The following TMEM74 variants were observed in gnomAD, a reference collection of about 807,000 sequenced individuals.
TMEM74 encodes the protein transmembrane protein 74.
A neutral mutation model predicts 18.1 loss-of-function variants in TMEM74; 13 were observed. The observed-to-expected ratio is 0.72, with a 90% CI of 0.47 to 1.14. The LOEUF (loss-of-function observed/expected upper bound fraction) is 1.14, where lower values mean the gene tolerates loss of function less well. TMEM74 is among the 50% of genes most tolerant of loss of function. TMEM74 has a pLI of 0.00. For synonymous variants in TMEM74, 159 were observed against 146.6 expected (o/e 1.08, Z -0.61); for missense variants, 372 against 375.9 (o/e 0.99, Z 0.09).
At chr8:108,773,845 A>C (rs892358511) in intron 1 of TMEM74, among the ~76,000 whole-genome samples, 1 of 152,188 alleles carries the variant, frequency 6.6e-6, no homozygotes, top group African/African-American at 2.4e-5. Context: ...AACCCTAGCC[A>C]ACAGCGTGAC....
intron 1 of TMEM74, among the ~76,000 whole-genome samples, chr8:108,678,624 T>G (rs1377669362): frequency 6.6e-6 from 1 of 151,522 alleles, no homozygotes; most frequent in Admixed American, 6.6e-5. Context: ...CCTCCCGCTT[T>G]GCTCCCACTG....
At chr8:108,620,104 G>C (rs968493790) in intron 2 of TMEM74, among the ~76,000 whole-genome samples, 4 of 152,068 alleles carry the variant, frequency 2.6e-5, no homozygotes, top group Non-Finnish European at 5.9e-5. Context: ...AGCTATCACT[G>C]TTTGTCTTAA....
At chr8:108,756,712 G>A (rs1424760385) in intron 1 of TMEM74, among the ~76,000 whole-genome samples, 2 of 88,878 alleles carry the variant, frequency 2.3e-5, no homozygotes, top group African/African-American at 9.2e-5. Flanking sequence ...AGGAAAGAAA[G>A]AAAGAAAGAG....
intron 1 of TMEM74, among the ~76,000 whole-genome samples, chr8:108,732,839 A>G (rs1292175542): frequency 1.3e-5 from 2 of 151,794 alleles, no homozygotes; most frequent in African/African-American, 4.8e-5. Context: ...CATAAGAAGG[A>G]ATTCCTACAA....
At chr8:108,613,175 C>T (rs955952600) in intron 2 of TMEM74, among the ~76,000 whole-genome samples, 1 of 152,176 alleles carries the variant, frequency 6.6e-6, no homozygotes, top group African/African-American at 2.4e-5. Context: ...TACTTGCCCA[C>T]TTCTTCAACC....
intron 1 of TMEM74, among the ~76,000 whole-genome samples, chr8:108,678,676 T>C (rs904520773): frequency 5.9e-5 from 9 of 151,336 alleles, no homozygotes; most frequent in Admixed American, 4.0e-4. Context: ...GTTCTCTTTT[T>C]TTTTTCTTAT....
chr8:108,728,619 T>C (rs1199727819), intron 1 of TMEM74, among the ~76,000 whole-genome samples: 3 of 152,188 alleles, frequency 2.0e-5, no homozygotes, highest in Non-Finnish European at 4.4e-5. Context: ...GGTATAACTA[T>C]ATTCAGGAAG....
intron 1 of TMEM74, among the ~76,000 whole-genome samples, chr8:108,731,544 A>G (rs886961700): frequency 2.0e-5 from 3 of 152,090 alleles, no homozygotes; most frequent in Admixed American, 2.0e-4. Context: ...AGGACACACT[A>G]AATTACTGGG....
chr8:108,746,122 C>T (rs114652545), intron 1 of TMEM74, among the ~76,000 whole-genome samples: 59 of 152,206 alleles, frequency 3.9e-4, no homozygotes, highest in African/African-American at 1.3e-3. Flanking sequence ...GTCTGCGGCT[C>T]GTCCTGCTTC....
At chr8:108,682,891 G>A (rs1199972663) in intron 1 of TMEM74, among the ~76,000 whole-genome samples, 1 of 151,738 alleles carries the variant, frequency 6.6e-6, no homozygotes, top group Admixed American at 6.6e-5. Context: ...ACAATCTATA[G>A]CAGATTTAAT....
intron 1 of TMEM74, among the ~76,000 whole-genome samples, chr8:108,751,393 A>G (rs1813903312): frequency 6.6e-6 from 1 of 152,140 alleles, no homozygotes; most frequent in Non-Finnish European, 1.5e-5. Flanking sequence ...TTGAACTTGG[A>G]TCAGGAGAAG....
In TMEM74 at chr8:108,756,703, G is replaced by GGAAA. The variant is rs1304814453; in HGVS notation, n.119+30769_119+30772dup. Among the ~76,000 whole-genome samples, 548 of 69,082 alleles carry GGAAA rather than the reference G, an allele frequency of 7.9e-3. 5 individuals carry two copies. Among genetic ancestry groups the GGAAA allele is most frequent in the African/African-American group, 0.028 (502 of 18,194 alleles). The allele number at this position is 69,082 out of a possible 152,430, so 45.3% of individuals were successfully genotyped here. A position where few individuals can be genotyped will look rare whatever the true frequency, so the allele number is the denominator to read the frequency against. The stretch of plus-strand genomic sequence containing the variant: ...AAGAAAGAAAGAAAGAAAGAAGGAA[G>GGAAA]GAAAGAAAGAAAGAAAGAGAAAGAA... On this transcript the variant is annotated intron_variant and non_coding_transcript_variant, in intron 1 of 3. Coordinates refer to the TMEM74 transcript ENST00000518838.
At chr8:108,645,525 T>A (rs1377002060) in intron 2 of TMEM74, among the ~76,000 whole-genome samples, 1 of 152,142 alleles carries the variant, frequency 6.6e-6, no homozygotes, top group Non-Finnish European at 1.5e-5. Context: ...TAGAGAAATC[T>A]GGGGTCAGTG....
At chr8:108,707,585 G>A (rs905415028) in intron 1 of TMEM74, among the ~76,000 whole-genome samples, 3 of 152,246 alleles carry the variant, frequency 2.0e-5, no homozygotes, top group Admixed American at 1.3e-4. Flanking sequence ...AAAAATACAC[G>A]ATGGAAAAAG....
intron 1 of TMEM74, among the ~76,000 whole-genome samples, chr8:108,741,431 C>A (rs1813799128): frequency 6.6e-6 from 1 of 152,082 alleles, no homozygotes; most frequent in African/African-American, 2.4e-5. Context: ...ATATGAAATG[C>A]TATTTAAAAA....
chr8:108,630,670 C>A (rs1292841512), intron 2 of TMEM74, among the ~76,000 whole-genome samples: 1 of 152,006 alleles, frequency 6.6e-6, no homozygotes, highest in Non-Finnish European at 1.5e-5. Flanking sequence ...TTAAGAAATT[C>A]ACTCAAAACT....
At chr8:108,699,615 G>A (rs771967073) in intron 1 of TMEM74, among the ~76,000 whole-genome samples, 3 of 152,144 alleles carry the variant, frequency 2.0e-5, no homozygotes, top group Admixed American at 6.5e-5. Context: ...CTGTTCTACT[G>A]TTAAGGATGA....
intron 2 of TMEM74, among the ~76,000 whole-genome samples, chr8:108,634,371 A>G (rs1812585244): frequency 6.6e-6 from 1 of 151,940 alleles, no homozygotes; most frequent in Non-Finnish European, 1.5e-5. Flanking sequence ...TATTTAGCTT[A>G]TATGTTCAAC....
chr8:108,661,107 A>G (rs1358979415), intron 1 of TMEM74, among the ~76,000 whole-genome samples: 2 of 152,028 alleles, frequency 1.3e-5, no homozygotes, highest in East Asian at 3.9e-4. Flanking sequence ...CCTCTGTAGC[A>G]TTTTCATTTG....
Sources: gnomAD v4.1 joint callset for allele counts (sites outside exome capture counted in the v4.1 genomes callset) on GRCh38, gnomAD v4.1.1 for gene constraint, MANE v1.5 for transcripts, NCBI Gene and HGNC (gene_info 2026-07-23, HGNC 2026-07-21) for gene names.